MAP3K2: variants seen among roughly 807,000 people sequenced by gnomAD.
MAP3K2 encodes the protein mitogen-activated protein kinase kinase kinase 2, also known as MAP/ERK kinase kinase 2.
Under a neutral mutation model 80.3 loss-of-function variants are expected in MAP3K2, and 24 were observed. The ratio of observed to expected loss-of-function variants is 0.30; its 90% CI spans 0.22 to 0.42. The LOEUF (loss-of-function observed/expected upper bound fraction) is 0.42. MAP3K2 is among the 10% of genes least tolerant of loss of function. MAP3K2 has a pLI of 1.00. For synonymous variants in MAP3K2, 244 were observed against 253.7 expected (o/e 0.96, Z 0.36); for missense variants, 608 against 750.1 (o/e 0.81, Z 2.21).
At chr2:127,369,894 T>C (rs533182155) in intron 1 of MAP3K2, among the ~76,000 whole-genome samples, 92 of 152,164 alleles carry the variant, frequency 6.0e-4, no homozygotes, top group African/African-American at 2.2e-3. Flanking sequence ...TCAGTCAGGG[T>C]GGTGGGAAAA....
At chr2:127,374,829 A>G (rs570815439) in intron 1 of MAP3K2, among the ~76,000 whole-genome samples, 1 of 152,342 alleles carries the variant, frequency 6.6e-6, no homozygotes, top group African/African-American at 2.4e-5. Context: ...TTTGTCACAC[A>G]TGGAACATCC....
chr2:127,378,848 C>A (rs1026050770), intron 1 of MAP3K2, among the ~76,000 whole-genome samples: 4 of 152,280 alleles, frequency 2.6e-5, no homozygotes, highest in African/African-American at 9.6e-5. Context: ...CTCACTGTAG[C>A]CTGGACCTCC....
chr2:127,346,435 A>G (rs776748648), intron 1 of MAP3K2, among the ~76,000 whole-genome samples: 1 of 147,498 alleles, frequency 6.8e-6, no homozygotes, highest in African/African-American at 2.5e-5. Context: ...AAAAAAAAGA[A>G]GGAACACTTC....
rs1299226666 is a variant in MAP3K2, at chr2:127,387,721, C to G, written c.-335G>C. The G allele has an allele frequency of 1.9e-5, 19 of 985,090 alleles. No homozygotes were observed. The highest frequency in any genetic ancestry group is 6.2e-5 in the Admixed American group (1 of 16,242). 61.0% of individuals were successfully genotyped at this position (985,090 alleles called of 1,614,324 possible). A position where few individuals can be genotyped will look rare whatever the true frequency, so the allele number is the denominator to read the frequency against. On this transcript the variant is annotated 5_prime_UTR_variant, in exon 1 of 17. Transcript: ENST00000682094. ...GTCCTCCTGGCGCTCCTCGGCACTT[C>G]TAGCCGCTGCAACCCCGAGGCCCGC...
chr2:127,332,274 G>T (rs909567130), intron 5 of MAP3K2, among the ~76,000 whole-genome samples: 11 of 152,316 alleles, frequency 7.2e-5, no homozygotes, highest in Non-Finnish European at 1.6e-4. Context: ...CAATGGTAAT[G>T]ACTGTTCCGC....
At chr2:127,374,830 T>C (rs905810128) in intron 1 of MAP3K2, among the ~76,000 whole-genome samples, 2 of 152,108 alleles carry the variant, frequency 1.3e-5, no homozygotes, top group African/African-American at 4.8e-5. Context: ...TTGTCACACA[T>C]GGAACATCCA....
intron 1 of MAP3K2, among the ~76,000 whole-genome samples, chr2:127,378,387 A>G (rs897929966): frequency 2.5e-4 from 38 of 151,904 alleles, no homozygotes; most frequent in African/African-American, 9.2e-4. Context: ...ATTAAACAAC[A>G]CTCTCCATTC....
chr2:127,345,379 T>C (rs985678391), intron 1 of MAP3K2, among the ~76,000 whole-genome samples: 3 of 151,874 alleles, frequency 2.0e-5, no homozygotes, highest in African/African-American at 4.8e-5. Flanking sequence ...AAATACACAA[T>C]GCAAAAAAGT....
At chr2:127,315,252 G>A (rs1399682529) in intron 14 of MAP3K2, among the ~76,000 whole-genome samples, 3 of 152,134 alleles carry the variant, frequency 2.0e-5, no homozygotes, top group African/African-American at 7.2e-5. Context: ...CTGAAGTGAG[G>A]AATAGGTATT....
At chr2:127,317,905 T>C in intron 13 of MAP3K2, 145 bp from the exon 14 acceptor site, 5 of 788,050 alleles carry the variant, frequency 6.3e-6, no homozygotes, top group Non-Finnish European at 9.8e-6. Flanking sequence ...CAATAACTTT[T>C]TAAACAGTCC....
intron 1 of MAP3K2, among the ~76,000 whole-genome samples, chr2:127,370,903 T>G (rs1396977513): frequency 6.6e-6 from 1 of 152,190 alleles, no homozygotes; most frequent in Non-Finnish European, 1.5e-5. Flanking sequence ...ACGGAGGTTT[T>G]GCCTGAGCCC....
At position 127,317,706 on chromosome 2, in the gene MAP3K2, G is replaced by A; in HGVS notation, c.1249C>T (p.Arg417Ter). ...AAACAGCCATAATACTGAACAATTCGCTCATGTAGCAAGTTTTTCAGCAAC... is the reference window on the plus strand; with the variant it reads ...AAACAGCCATAATACTGAACAATTCACTCATGTAGCAAGTTTTTCAGCAAC... ...IQLLKNLLHE[R>*]IVQYYGCLRD... The change falls in exon 14 of 17, where the codon CGA becomes TGA. Residue 417 changes from arginine to a stop codon, truncating the protein, a stop_gained. Coordinates refer to ENST00000682094, the MANE Select transcript of MAP3K2 (RefSeq NM_001371910.2). LOFTEE classifies it high-confidence loss of function. 6.3e-7 allele frequency: 1 copy of A among 1,599,068 alleles called. No homozygotes were observed. Among genetic ancestry groups the A allele is most frequent in the Non-Finnish European group, 8.5e-7 (1 of 1,171,856 alleles).
In MAP3K2 at chr2:127,303,338, A is replaced by G. The variant is rs1685633836; in HGVS notation, c.*4241T>C. The G allele has an allele frequency of 6.6e-6, 1 of 151,500 alleles. No individual in the cohort carries two copies. The highest frequency in any genetic ancestry group is 1.5e-5 in the Non-Finnish European group (1 of 67,834). The allele number at this position is 151,500 out of a possible 1,614,324, so 9.4% of individuals were successfully genotyped here. ...AAGAGACACTGGGGAAAAAAAAAAA[A>G]AAGAACAAAAAAACACTGTTATGGA... On this transcript the variant is annotated 3_prime_UTR_variant, in exon 17 of 17. Transcript: ENST00000682094.
Position 127,299,972 on chromosome 2 carries a change from T to TC in MAP3K2, c.*7606dup, listed in dbSNP as rs1685559485. On this transcript the variant is annotated 3_prime_UTR_variant, in exon 17 of 17. Coordinates refer to ENST00000682094, the MANE Select transcript of MAP3K2 (RefSeq NM_001371910.2). ...AAAAACATCTCCACACAAACATACA[T>TC]CCCCTGATACACAGTTAAAAGCATA... The TC allele has an allele frequency of 4.2e-5, 1 of 24,066 alleles. No individual in the cohort carries two copies. The highest frequency in any genetic ancestry group is 3.4e-4 in the African/African-American group (1 of 2,942). 1.5% of individuals were successfully genotyped at this position (24,066 alleles called of 1,614,324 possible).
rs994769107 is a variant in MAP3K2, at chr2:127,305,326, ATTCTT to A, written c.*2248_*2252del. The A allele has an allele frequency of 6.6e-5, 10 of 152,234 alleles. No individual in the cohort carries two copies. Among genetic ancestry groups the A allele is most frequent in the African/African-American group, 2.2e-4 (9 of 41,458 alleles). The allele number at this position is 152,234 out of a possible 1,614,324, so 9.4% of individuals were successfully genotyped here. Reference sequence around the variant, plus strand: ...TTATAATAGATCCACACACTTGGGGATTCTTTCTAGAACAAAATTTGGCAGTTGCT... The same window carrying A: ...TTATAATAGATCCACACACTTGGGGATCTAGAACAAAATTTGGCAGTTGCT... On this transcript the variant is annotated 3_prime_UTR_variant, in exon 17 of 17. Coordinates refer to ENST00000682094, the MANE Select transcript of MAP3K2 (RefSeq NM_001371910.2).
At chr2:127,336,527 T>C (rs1029761682) in intron 4 of MAP3K2, among the ~76,000 whole-genome samples, 1 of 152,190 alleles carries the variant, frequency 6.6e-6, no homozygotes. Context: ...CACCTAAAGC[T>C]TGAAGACCAC....
chr2:127,300,021 ATAATACAT>A lies in MAP3K2; in HGVS notation c.*7550_*7557del, dbSNP rs1685560622. ...TACTTTCAACTTAGTAATGGATTTT[ATAATACAT>A]TATAAAATTTTCTAATTTCTATTAA... On this transcript the variant is annotated 3_prime_UTR_variant, in exon 17 of 17. Transcript: ENST00000682094. 1 of 152,106 alleles carries A rather than the reference ATAATACAT, an allele frequency of 6.6e-6. No homozygotes were observed. Among genetic ancestry groups the A allele is most frequent in the South Asian group, 2.1e-4 (1 of 4,832 alleles). 9.4% of individuals were successfully genotyped at this position (152,106 alleles called of 1,614,324 possible). A position where few individuals can be genotyped will look rare whatever the true frequency, so the allele number is the denominator to read the frequency against.
chr2:127,315,287 AT>A (rs1685879127), intron 14 of MAP3K2, among the ~76,000 whole-genome samples: 2 of 152,218 alleles, frequency 1.3e-5, no homozygotes, highest in African/African-American at 2.4e-5. Flanking sequence ...TTCCCTAGTG[AT>A]TCCAATGTAT....
chr2:127,384,215 T>G lies in MAP3K2; in HGVS notation c.-66+3237A>C, dbSNP rs937364498. Among the ~76,000 whole-genome samples, 7 of 64,586 alleles carry G rather than the reference T, an allele frequency of 1.1e-4. No homozygotes were observed. The Admixed American group carries it at 1.5e-3, about 14-fold the overall frequency. The allele number at this position is 64,586 out of a possible 152,430, so 42.4% of individuals were successfully genotyped here. Reference sequence around the variant, plus strand: ...CGGCCAACAAATAATTTTTAATTGATATATATATATATATATATATTGCTT... The same window carrying G: ...CGGCCAACAAATAATTTTTAATTGAGATATATATATATATATATATTGCTT... On this transcript the variant is annotated intron_variant, in intron 1 of 16. Coordinates refer to ENST00000682094, the MANE Select transcript of MAP3K2 (RefSeq NM_001371910.2).
Sources: gnomAD v4.1 joint callset for allele counts (sites outside exome capture counted in the v4.1 genomes callset) on GRCh38, gnomAD v4.1.1 for gene constraint, MANE v1.5 for transcripts, NCBI Gene and HGNC (gene_info 2026-07-23, HGNC 2026-07-21) for gene names.